SPRY3: variants seen among roughly 807,000 people sequenced by gnomAD.
SPRY3 encodes the protein protein sprouty homolog 3.
A neutral mutation model predicts 20.2 loss-of-function variants in SPRY3; 15 were observed. That is an observed-to-expected ratio of 0.74 (90% confidence interval 0.50 to 1.14). The LOEUF (loss-of-function observed/expected upper bound fraction) is 1.14. SPRY3 is among the 50% of genes most tolerant of loss of function. SPRY3 has a pLI of 0.00. For missense variants in SPRY3, 364 were observed against 363.9 expected, an observed-to-expected ratio of 1.00 and a Z score of 0.00; for synonymous variants, 143 against 136.5, an observed-to-expected ratio of 1.05 and a Z score of -0.33.
At chrX:155,691,008 C>T (rs1391235342) in intron 2 of SPRY3, among the ~76,000 whole-genome samples, 1 of 86,914 alleles carries the variant, frequency 1.2e-5, no homozygotes, top group Non-Finnish European at 2.1e-5. Flanking sequence ...ATTTTTGTAA[C>T]ATTTTTATTT....
chrX:155,706,172 A>G (rs749865824), intron 2 of SPRY3, among the ~76,000 whole-genome samples: 2 of 151,428 alleles, frequency 1.3e-5, no homozygotes, highest in East Asian at 3.9e-4. Flanking sequence ...ATGTCCTCAG[A>G]TTGCAGTAGA....
At chrX:155,724,604 TTGTC>T (rs1438949411) in intron 2 of SPRY3, among the ~76,000 whole-genome samples, 1 of 152,168 alleles carries the variant, frequency 6.6e-6, no homozygotes, top group Admixed American at 6.5e-5. Flanking sequence ...GGCTCTCTGT[TTGTC>T]TGTTATTGGT....
chrX:155,707,608 T>C (rs1010869114), intron 2 of SPRY3, among the ~76,000 whole-genome samples: 4 of 151,250 alleles, frequency 2.6e-5, no homozygotes, highest in African/African-American at 9.7e-5. Context: ...TTTATGTGTA[T>C]TAGGGCTCTG....
At chrX:155,724,379 A>G (rs1379318522) in intron 2 of SPRY3, among the ~76,000 whole-genome samples, 1 of 152,116 alleles carries the variant, frequency 6.6e-6, no homozygotes, top group African/African-American at 2.4e-5. Context: ...CTTGGGCAGT[A>G]TGGCTATTTT....
chrX:155,625,882 G>A (rs782140615), intron 1 of SPRY3, among the ~76,000 whole-genome samples: 20 of 111,189 alleles, frequency 1.8e-4, no homozygotes, highest in Middle Eastern at 9.3e-3. Flanking sequence ...GTCAATTCAT[G>A]TTTCATTTCA....
chrX:155,651,484 A>G (rs1202212208), intron 1 of SPRY3, among the ~76,000 whole-genome samples: 2 of 111,940 alleles, frequency 1.8e-5, no homozygotes, highest in Non-Finnish European at 3.8e-5. Flanking sequence ...TGCAATTTGC[A>G]TACTCCTTTC....
chrX:155,756,596 C>T (rs183633528), intron 2 of SPRY3, among the ~76,000 whole-genome samples: 1 of 152,136 alleles, frequency 6.6e-6, no homozygotes, highest in East Asian at 1.9e-4. Context: ...CAGATAGGCT[C>T]AGGTTAGGAT....
intron 2 of SPRY3, among the ~76,000 whole-genome samples, chrX:155,739,340 G>T (rs113950916): frequency 2.6e-5 from 4 of 152,176 alleles, no homozygotes; most frequent in Non-Finnish European, 5.9e-5. Context: ...AGGGGGAGGG[G>T]CAACCACTGT....
intron 2 of SPRY3, among the ~76,000 whole-genome samples, chrX:155,676,198 G>T (rs1383319020): frequency 9.1e-6 from 1 of 110,247 alleles, no homozygotes; most frequent in East Asian, 2.8e-4. Flanking sequence ...TGATTCATCT[G>T]GTCATAAGAC....
intron 2 of SPRY3, among the ~76,000 whole-genome samples, chrX:155,766,932 C>T (rs1260446516): frequency 6.6e-6 from 1 of 152,094 alleles, no homozygotes; most frequent in Admixed American, 6.6e-5. Flanking sequence ...GGGAGGAACC[C>T]TTAAACAAAG....
At chrX:155,717,631 C>T (rs760073966) in intron 2 of SPRY3, among the ~76,000 whole-genome samples, 75 of 152,102 alleles carry the variant, frequency 4.9e-4, no homozygotes, top group Non-Finnish European at 6.3e-4. Context: ...TGTTCAACTC[C>T]CACTTTTGAG....
At chrX:155,762,740 C>T (rs1453563765) in intron 2 of SPRY3, among the ~76,000 whole-genome samples, 1 of 152,090 alleles carries the variant, frequency 6.6e-6, no homozygotes, top group Non-Finnish European at 1.5e-5. Flanking sequence ...AAAGAGTATG[C>T]TTATACACTG....
intron 2 of SPRY3, among the ~76,000 whole-genome samples, chrX:155,690,806 C>G (rs1273336757): frequency 1.2e-5 from 1 of 86,452 alleles, no homozygotes; most frequent in African/African-American, 5.6e-5. Flanking sequence ...TTAACAAAGA[C>G]ATTTACCTGA....
chrX:155,625,963 A>G (rs781909636), intron 1 of SPRY3, among the ~76,000 whole-genome samples: 1 of 111,493 alleles, frequency 9.0e-6, no homozygotes, highest in South Asian at 3.7e-4. Flanking sequence ...ATTGGTTGAT[A>G]TGCATTTGTG....
chrX:155,760,535 T>C (rs1006417000), intron 2 of SPRY3, among the ~76,000 whole-genome samples: 3 of 152,162 alleles, frequency 2.0e-5, no homozygotes, highest in Non-Finnish European at 4.4e-5. Flanking sequence ...AAAGTTTGTG[T>C]CTTTCTTTGA....
At chrX:155,678,738 A>T (rs760200164) in intron 2 of SPRY3, among the ~76,000 whole-genome samples, 1 of 112,460 alleles carries the variant, frequency 8.9e-6, no homozygotes, top group Admixed American at 9.4e-5. Context: ...ACTAGATTTT[A>T]TATAAATGTG....
chrX:155,630,901 A>G lies in SPRY3; in HGVS notation c.-441+18254A>G, dbSNP rs933709944. 4.5e-5 allele frequency among the ~76,000 whole-genome samples: 5 copies of G among 110,041 alleles called. No homozygotes were observed. The South Asian group carries it at 1.2e-3, about 25-fold the overall frequency. On this transcript the variant is annotated intron_variant, in intron 1 of 3. Transcript: ENST00000675360. ...CCCATAAATCTCAGAAGCTTTCTTT[A>G]TTCCTTTTTATTCCTTTTCTTTTTT...
intron 2 of SPRY3, among the ~76,000 whole-genome samples, chrX:155,730,018 C>T (rs2091123016): frequency 6.6e-6 from 1 of 152,052 alleles, no homozygotes; most frequent in African/African-American, 2.4e-5. Flanking sequence ...GAAATCTTAA[C>T]CTGAACAGAC....
intron 1 of SPRY3, among the ~76,000 whole-genome samples, chrX:155,655,071 C>T (rs2067987993): frequency 9.0e-6 from 1 of 111,218 alleles, no homozygotes; most frequent in Non-Finnish European, 1.9e-5. Flanking sequence ...GACTGGTATA[C>T]AATGATATCT....
Sources: gnomAD v4.1 joint callset for allele counts (sites outside exome capture counted in the v4.1 genomes callset) on GRCh38, gnomAD v4.1.1 for gene constraint, MANE v1.5 for transcripts, NCBI Gene and HGNC (gene_info 2026-07-23, HGNC 2026-07-21) for gene names.